Variants in NR3C1 observed in about 807,000 individuals in gnomAD.
NR3C1 encodes the protein glucocorticoid receptor.
In NR3C1, 14 loss-of-function variants were observed where a neutral mutation model predicts 74.0. The ratio of observed to expected loss-of-function variants is 0.19; its 90% CI spans 0.12 to 0.30. NR3C1 has a LOEUF of 0.30. Ranked by LOEUF, NR3C1 falls within the 10% of genes least tolerant of loss-of-function variation. The probability of loss-of-function intolerance (pLI) is 1.00; values close to 1 mark genes in which losing one functional copy is unlikely to be tolerated. For synonymous variants in NR3C1, 308 were observed against 332.5 expected (o/e 0.93, Z 0.80); for missense variants, 695 against 909.8 (o/e 0.76, Z 3.04).
At chr5:143,344,698 C>T (rs1828890125) in intron 2 of NR3C1, among the ~76,000 whole-genome samples, 1 of 152,168 alleles carries the variant, frequency 6.6e-6, no homozygotes, top group African/African-American at 2.4e-5. Context: ...CATGGTGAAA[C>T]CTTGTCTCTA....
intron 2 of NR3C1, among the ~76,000 whole-genome samples, chr5:143,377,844 G>A (rs1229515746): frequency 6.6e-6 from 1 of 152,188 alleles, no homozygotes; most frequent in African/African-American, 2.4e-5. Context: ...TTGCAAAAAT[G>A]TATTGATATG....
chr5:143,416,531 A>G (rs1415043184), intron 1 of NR3C1, among the ~76,000 whole-genome samples: 1 of 151,924 alleles, frequency 6.6e-6, no homozygotes, highest in Admixed American at 6.6e-5. Flanking sequence ...TCCTAAGGTG[A>G]GGGCTGCTCC....
intron 2 of NR3C1, among the ~76,000 whole-genome samples, chr5:143,322,631 G>C (rs2151656833): frequency 6.6e-6 from 1 of 152,246 alleles, no homozygotes; most frequent in African/African-American, 2.4e-5. Flanking sequence ...ATAATTAGCA[G>C]TTCCTAAATC....
chr5:143,426,626 C>A (rs934245503), intron 1 of NR3C1, among the ~76,000 whole-genome samples: 1 of 152,220 alleles, frequency 6.6e-6, no homozygotes, highest in Non-Finnish European at 1.5e-5. Context: ...TGTCAAGACT[C>A]CTTTGACTAA....
intron 1 of NR3C1, among the ~76,000 whole-genome samples, chr5:143,423,274 ACAACT>A (rs1197139154): frequency 6.6e-6 from 1 of 152,252 alleles, no homozygotes; most frequent in African/African-American, 2.4e-5. Flanking sequence ...AGTTGTGTAA[ACAACT>A]CAATAGGAAA....
chr5:143,425,170 G>A (rs1279603383), intron 1 of NR3C1, among the ~76,000 whole-genome samples: 1 of 152,018 alleles, frequency 6.6e-6, no homozygotes, highest in Non-Finnish European at 1.5e-5. Flanking sequence ...AAATAGCATT[G>A]GGACAACTGG....
intron 6 of NR3C1, among the ~76,000 whole-genome samples, chr5:143,296,854 A>G (rs1341218780): frequency 6.6e-6 from 1 of 152,086 alleles, no homozygotes; most frequent in Admixed American, 6.5e-5. Flanking sequence ...AAGTGGGTGG[A>G]TCACTTGAGG....
At chr5:143,404,226 G>C, upstream of NR3C1, 1 of 985,400 alleles carries the variant, frequency 1.0e-6, no homozygotes, top group Non-Finnish European at 1.2e-6. Context: ...GGGCCGAGTT[G>C]CGTGAAGTGT....
intron 2 of NR3C1, among the ~76,000 whole-genome samples, chr5:143,329,900 T>C (rs1825603183): frequency 6.6e-6 from 1 of 152,194 alleles, no homozygotes; most frequent in Non-Finnish European, 1.5e-5. Flanking sequence ...TATAATTAAA[T>C]ATCAGTCAAA....
At chr5:143,433,466 A>ACTT (rs1461822676) in intron 1 of NR3C1, among the ~76,000 whole-genome samples, 1 of 133,804 alleles carries the variant, frequency 7.5e-6, no homozygotes, top group Non-Finnish European at 1.6e-5. Flanking sequence ...ATATATATAT[A>ACTT]TATATTTAAT....
At chr5:143,355,033 G>A (rs1830893706) in intron 2 of NR3C1, among the ~76,000 whole-genome samples, 1 of 151,754 alleles carries the variant, frequency 6.6e-6, no homozygotes, top group Non-Finnish European at 1.5e-5. Context: ...ATGTGACACA[G>A]AGACACAAAA....
chr5:143,353,833 A>G (rs757276844), intron 2 of NR3C1, among the ~76,000 whole-genome samples: 2 of 152,320 alleles, frequency 1.3e-5, no homozygotes, highest in East Asian at 3.9e-4. Context: ...TAAAGTCACC[A>G]ACTACATTAG....
intron 2 of NR3C1, among the ~76,000 whole-genome samples, chr5:143,374,367 T>C (rs1433010305): frequency 1.3e-5 from 2 of 151,972 alleles, no homozygotes; most frequent in African/African-American, 2.4e-5. Context: ...TGGCAGGCCC[T>C]GTAGTCCCAG....
chr5:143,419,759 A>G (rs1172174941), intron 1 of NR3C1, among the ~76,000 whole-genome samples: 1 of 152,208 alleles, frequency 6.6e-6, no homozygotes, highest in Non-Finnish European at 1.5e-5. Context: ...AATTGCTAAC[A>G]AAGTTTTGGG....
At chr5:143,331,472 C>T (rs1012654464) in intron 2 of NR3C1, among the ~76,000 whole-genome samples, 1 of 152,088 alleles carries the variant, frequency 6.6e-6, no homozygotes, top group Non-Finnish European at 1.5e-5. Context: ...ACCATAAAGA[C>T]GCATGCATGT....
intron 3 of NR3C1, among the ~76,000 whole-genome samples, chr5:143,311,788 GTTTT>G (rs34827388): frequency 8.4e-6 from 1 of 119,398 alleles, no homozygotes; most frequent in Admixed American, 8.6e-5. Context: ...CCTGGATAAC[GTTTT>G]TTTTTTTTTT....
chr5:143,413,705 C>G (rs1216009922), intron 1 of NR3C1, among the ~76,000 whole-genome samples: 1 of 152,130 alleles, frequency 6.6e-6, no homozygotes, highest in Non-Finnish European at 1.5e-5. Context: ...AGGGGTTTCA[C>G]TGGTCTAGTT....
intron 2 of NR3C1, among the ~76,000 whole-genome samples, chr5:143,394,534 G>A (rs61751244): frequency 6.6e-6 from 1 of 151,862 alleles, no homozygotes; most frequent in South Asian, 2.1e-4. Context: ...TAAGACATTA[G>A]GTCGACTACA....
At position 143,397,883 on chromosome 5, in the gene NR3C1, G is replaced by A. The variant is rs61751166; in HGVS notation, c.1184+1773C>T. ...ATACTCTATATCCCAGATTTTATAG[G>A]GTTTAAAAGTTCATAGCAAATGGAA... On this transcript the variant is annotated intron_variant, in intron 2 of 8. Coordinates refer to ENST00000394464, the MANE Select transcript of NR3C1 (RefSeq NM_000176.3). Among the ~76,000 whole-genome samples, 663 of 151,668 alleles carry A rather than the reference G, an allele frequency of 4.4e-3. 2 individuals are homozygous for A. Among genetic ancestry groups the A allele is most frequent in the African/African-American group, 0.015 (632 of 41,410 alleles).
Sources: gnomAD v4.1 joint callset for allele counts (sites outside exome capture counted in the v4.1 genomes callset) on GRCh38, gnomAD v4.1.1 for gene constraint, MANE v1.5 for transcripts, NCBI Gene and HGNC (gene_info 2026-07-23, HGNC 2026-07-21) for gene names.